PTGFR: variants seen among roughly 807,000 people sequenced by gnomAD.
PTGFR encodes prostaglandin F receptor, also known as prostaglandin F2-alpha receptor.
Under a neutral mutation model 26.2 loss-of-function variants are expected in PTGFR, and 15 were observed. The ratio of observed to expected loss-of-function variants is 0.57; its 90% CI spans 0.38 to 0.88. The LOEUF is 0.88. PTGFR is among the 40% of genes least tolerant of loss of function. PTGFR has a pLI of 0.00. For synonymous variants in PTGFR, 165 were observed against 151.1 expected (o/e 1.09, Z -0.68); for missense variants, 369 against 427.2 (o/e 0.86, Z 1.20).
chr1:78,535,144 G>A (rs1650615098), intron 2 of PTGFR, among the ~76,000 whole-genome samples: 1 of 152,160 alleles, frequency 6.6e-6, no homozygotes, highest in Non-Finnish European at 1.5e-5. Flanking sequence ...ACTGCTGTTT[G>A]TAGAGGAGAG....
intron 2 of PTGFR, among the ~76,000 whole-genome samples, chr1:78,501,806 T>A (rs1400728773): frequency 6.6e-6 from 1 of 152,196 alleles, no homozygotes; most frequent in African/African-American, 2.4e-5. Context: ...TCTAAGACAA[T>A]TGTGCATATC....
In PTGFR at chr1:78,492,878, C is replaced by T. The variant is rs752460958; in HGVS notation, c.135C>T (p.Ser45=). The T allele has an allele frequency of 6.2e-7, 1 of 1,614,214 alleles. No individual in the cohort carries two copies. The highest frequency in any genetic ancestry group is 1.7e-5 in the Admixed American group (1 of 60,028). Residue 45 remains serine (S), a synonymous_variant, in exon 2 of 3, where the codon AGC becomes AGT. Coordinates refer to ENST00000370757, the MANE Select transcript of PTGFR (RefSeq NM_000959.4). ...TGACAGTGGGAATCTTGTCAAACAG[C>T]CTTGCCATCGCCATTCTCATGAAGG... The part of the protein sequence containing the change: ...IFMTVGILSN[S]LAIAILMKAY...
intron 2 of PTGFR, among the ~76,000 whole-genome samples, chr1:78,506,299 C>T (rs1649826898): frequency 6.6e-6 from 1 of 151,878 alleles, no homozygotes; most frequent in Non-Finnish European, 1.5e-5. Flanking sequence ...TGTTGAGCAT[C>T]TTTTAATGTG....
chr1:78,516,748 AT>A lies in PTGFR; in HGVS notation c.799-19648del, dbSNP rs35771610. Reference sequence around the variant, plus strand: ...TAAAAATAACCTAGATTTGTACATAATTTTTTTTTTCCTTTGAGAAGTCGTT... The same window carrying A: ...TAAAAATAACCTAGATTTGTACATAATTTTTTTTTCCTTTGAGAAGTCGTT... On this transcript the variant is annotated intron_variant, in intron 2 of 2. Transcript: ENST00000370757. Among the ~76,000 whole-genome samples the A allele has an allele frequency of 5.8e-4, 87 of 150,038 alleles. 1 individual carries two copies. The highest frequency in any genetic ancestry group is 3.4e-3 in the Middle Eastern group (1 of 290).
At chr1:78,508,666 G>A (rs914064136) in intron 2 of PTGFR, among the ~76,000 whole-genome samples, 1 of 152,132 alleles carries the variant, frequency 6.6e-6, no homozygotes, top group African/African-American at 2.4e-5. Flanking sequence ...GGGTATATGT[G>A]GTGTTTCTAA....
At chr1:78,532,408 GTA>G (rs1244045291) in intron 2 of PTGFR, 1 of 114,396 alleles carries the variant, frequency 8.7e-6, no homozygotes, top group Non-Finnish European at 1.8e-5. Context: ...GTATATATGT[GTA>G]TATATATGTG....
intron 2 of PTGFR, among the ~76,000 whole-genome samples, chr1:78,505,647 CA>C (rs1649811421): frequency 1.3e-5 from 2 of 152,110 alleles, no homozygotes; most frequent in South Asian, 4.1e-4. Flanking sequence ...TTGTACAGAA[CA>C]TTTTTTTTAT....
At chr1:78,505,746 G>A (rs1368711739) in intron 2 of PTGFR, among the ~76,000 whole-genome samples, 2 of 152,054 alleles carry the variant, frequency 1.3e-5, no homozygotes, top group Non-Finnish European at 2.9e-5. Context: ...TTCTGGATTT[G>A]TTTATTATGG....
chr1:78,531,495 A>T (rs936190994), intron 2 of PTGFR, among the ~76,000 whole-genome samples: 17 of 152,166 alleles, frequency 1.1e-4, no homozygotes, highest in African/African-American at 3.9e-4. Context: ...CATAACAATT[A>T]AAAAAGTTAA....
intron 2 of PTGFR, among the ~76,000 whole-genome samples, chr1:78,499,897 A>C (rs1235272717): frequency 2.6e-5 from 4 of 152,218 alleles, no homozygotes; most frequent in South Asian, 2.1e-4. Context: ...AAATATAATG[A>C]GCCATTAATC....
intron 2 of PTGFR, among the ~76,000 whole-genome samples, chr1:78,528,395 C>G (rs1650427292): frequency 1.4e-5 from 2 of 143,694 alleles, no homozygotes; most frequent in Non-Finnish European, 3.0e-5. Context: ...CTAAACTGAA[C>G]TAATTTTAGT....
At chr1:78,517,549 GC>G (rs1314767961) in intron 2 of PTGFR, among the ~76,000 whole-genome samples, 1 of 152,112 alleles carries the variant, frequency 6.6e-6, no homozygotes, top group Non-Finnish European at 1.5e-5. Flanking sequence ...AATTACTGGG[GC>G]AGGGTGGTTG....
At chr1:78,503,068 A>G (rs755643929) in intron 2 of PTGFR, among the ~76,000 whole-genome samples, 22 of 152,162 alleles carry the variant, frequency 1.4e-4, no homozygotes, top group Admixed American at 5.2e-4. Context: ...GTAAGAACCA[A>G]TGAGAAAATA....
chr1:78,497,333 T>G (rs1408141624), intron 2 of PTGFR, among the ~76,000 whole-genome samples: 2 of 152,138 alleles, frequency 1.3e-5, no homozygotes, highest in Non-Finnish European at 2.9e-5. Context: ...TATCTTACAG[T>G]TCCATTTAGC....
intron 2 of PTGFR, among the ~76,000 whole-genome samples, chr1:78,512,477 C>A (rs1350723390): frequency 1.3e-5 from 2 of 151,414 alleles, no homozygotes; most frequent in African/African-American, 4.8e-5. Context: ...AGAGAGGGAG[C>A]AGGAAAGGTG....
chr1:78,501,236 T>G (rs1390392553), intron 2 of PTGFR, among the ~76,000 whole-genome samples: 1 of 152,234 alleles, frequency 6.6e-6, no homozygotes, highest in East Asian at 1.9e-4. Context: ...CCCAAAGCTC[T>G]TTGGGTTGCC....
intron 2 of PTGFR, among the ~76,000 whole-genome samples, chr1:78,513,888 T>G (rs1650030336): frequency 6.6e-6 from 1 of 151,978 alleles, no homozygotes; most frequent in African/African-American, 2.4e-5. Flanking sequence ...CACTGCCAAG[T>G]GTGTAAGCCT....
chr1:78,513,582 G>A (rs1650022886), intron 2 of PTGFR, among the ~76,000 whole-genome samples: 1 of 152,176 alleles, frequency 6.6e-6, no homozygotes, highest in African/African-American at 2.4e-5. Context: ...TAAATGGGAA[G>A]CAGAGTGTAA....
At chr1:78,515,956 T>A (rs567191603) in intron 2 of PTGFR, among the ~76,000 whole-genome samples, 56 of 152,318 alleles carry the variant, frequency 3.7e-4, no homozygotes, top group Non-Finnish European at 7.6e-4. Context: ...TGGTTATTAA[T>A]TGCATTTGAA....
Sources: allele counts gnomAD v4.1 joint callset (sites outside exome capture counted in the v4.1 genomes callset), GRCh38; gene constraint gnomAD v4.1.1; transcripts MANE v1.5; gene names NCBI Gene and HGNC (gene_info 2026-07-23, HGNC 2026-07-21).